LRRIQ1: variants seen among roughly 807,000 people sequenced by gnomAD.
LRRIQ1 encodes leucine rich repeats and IQ motif containing 1.
Under a neutral mutation model 211.9 loss-of-function variants are expected in LRRIQ1, and 210 were observed. The ratio of observed to expected loss-of-function variants is 0.99; its 90% CI spans 0.89 to 1.11. The LOEUF (loss-of-function observed/expected upper bound fraction) is 1.11, where lower values mean the gene tolerates loss of function less well. Among genes scored for constraint, LRRIQ1 ranks in the 50% most tolerant of loss-of-function variants. The pLI is 0.00. For synonymous variants in LRRIQ1, 699 were observed against 650.1 expected (o/e 1.08, Z -1.14); for missense variants, 2,136 against 1,939.5 (o/e 1.10, Z -1.90).
chr12:85,037,584 ATGAT>A (rs1878300976), intron 1 of LRRIQ1, among the ~76,000 whole-genome samples: 2 of 151,218 alleles, frequency 1.3e-5, no homozygotes, highest in African/African-American at 4.9e-5. Context: ...TGATTTTGAG[ATGAT>A]TGAGTAGAGT....
intron 1 of LRRIQ1, among the ~76,000 whole-genome samples, chr12:85,254,554 A>G (rs1272391967): frequency 6.6e-6 from 1 of 152,112 alleles, no homozygotes; most frequent in Admixed American, 6.6e-5. Context: ...ATGCTTTTTA[A>G]TATAGACTGC....
At chr12:85,057,257 T>C (rs138437015) in intron 8 of LRRIQ1, 73 bp downstream of exon 8, 13,934 of 1,080,754 alleles carry the variant, frequency 0.013, 103 homozygotes, top group Middle Eastern at 0.017. Flanking sequence ...TTTCAGATCT[T>C]AGAAAAAGAA....
At position 85,106,455 on chromosome 12, in the gene LRRIQ1, T is replaced by C. The variant is rs984002680; in HGVS notation, c.3284-67T>C. On this transcript the variant is annotated intron_variant, in intron 14 of 26. Transcript: ENST00000393217. ...AATAGCAAACCAGTAAATACAGTGGTCATAGATTTATGATATTTGTTCTAA... is the reference window on the plus strand; with the variant it reads ...AATAGCAAACCAGTAAATACAGTGGCCATAGATTTATGATATTTGTTCTAA... 3.6e-6 allele frequency: 4 copies of C among 1,106,408 alleles called. No homozygotes were observed. In the African/African-American group the frequency reaches 4.7e-5, roughly 13 times the overall value. The allele number at this position is 1,106,408 out of a possible 1,614,324, so 68.5% of individuals were successfully genotyped here.
chr12:85,132,217 T>G (rs540414219), intron 18 of LRRIQ1, among the ~76,000 whole-genome samples: 1 of 152,176 alleles, frequency 6.6e-6, no homozygotes, highest in East Asian at 1.9e-4. Context: ...CACTCAATCT[T>G]GATATCATTA....
intron 6 of LRRIQ1, among the ~76,000 whole-genome samples, chr12:85,051,023 G>C (rs1880244023): frequency 1.3e-5 from 2 of 152,146 alleles, no homozygotes; most frequent in African/African-American, 2.4e-5. Context: ...GGAATCACCA[G>C]TGTTGGAGGT....
chr12:85,100,246 TA>T lies in LRRIQ1; in HGVS notation c.3209+1254del, dbSNP rs1206202986. ...GAAATTTTTTGACAAGTAATGCCTT[TA>T]ATTTATTTGGGCAATTTAAGTTATC... On this transcript the variant is annotated intron_variant, in intron 13 of 26. Transcript: ENST00000393217. 4.6e-5 allele frequency among the ~76,000 whole-genome samples: 7 copies of T among 151,900 alleles called. No individual in the cohort carries two copies. The East Asian group carries it at 9.6e-4, about 21-fold the overall frequency.
chr12:85,139,600 A>G (rs1254977848), intron 19 of LRRIQ1, among the ~76,000 whole-genome samples: 1 of 151,334 alleles, frequency 6.6e-6, no homozygotes, highest in Non-Finnish European at 1.5e-5. Flanking sequence ...AATTTTTTCT[A>G]TCAAACGTAA....
At chr12:85,236,872 T>C (rs1286824590) in intron 26 of LRRIQ1, among the ~76,000 whole-genome samples, 1 of 140,442 alleles carries the variant, frequency 7.1e-6, no homozygotes, top group African/African-American at 2.7e-5. Context: ...AGATTATTTT[T>C]ACATACAGCC....
In LRRIQ1 at chr12:85,244,825, C is replaced by CT. The variant is rs1365207423; in HGVS notation, c.5059dup (p.Ser1687PhefsTer28). ...AAGCAGAGAAGACACGGATTTAGAC[C>CT]TTTTTTCCATGACCAATGGAAGTGC... On this transcript the variant is annotated frameshift_variant, in exon 27 of 27. Transcript: ENST00000393217. LOFTEE classifies it high-confidence loss of function. 2 of 1,611,100 alleles carry CT rather than the reference C, an allele frequency of 1.2e-6. No individual in the cohort carries two copies. The highest frequency in any genetic ancestry group is 2.2e-5 in the East Asian group (1 of 44,784).
At chr12:85,125,522 A>C (rs1003683835) in intron 17 of LRRIQ1, among the ~76,000 whole-genome samples, 1 of 152,162 alleles carries the variant, frequency 6.6e-6, no homozygotes, top group Non-Finnish European at 1.5e-5. Context: ...TTCTTTTATA[A>C]ATTACTGGTG....
intron 7 of LRRIQ1, among the ~76,000 whole-genome samples, chr12:85,055,339 G>A (rs1880861102): frequency 6.6e-6 from 1 of 152,028 alleles, no homozygotes; most frequent in Admixed American, 6.6e-5. Flanking sequence ...TAACATTAGA[G>A]TATCAACTTA....
At chr12:85,206,388 G>A (rs1249921446) in intron 24 of LRRIQ1, among the ~76,000 whole-genome samples, 1 of 152,198 alleles carries the variant, frequency 6.6e-6, no homozygotes, top group African/African-American at 2.4e-5. Context: ...TGAGAGTGCA[G>A]GGATATGGGG....
At chr12:85,224,002 G>A (rs915129091) in intron 24 of LRRIQ1, among the ~76,000 whole-genome samples, 1 of 151,980 alleles carries the variant, frequency 6.6e-6, no homozygotes, top group Non-Finnish European at 1.5e-5. Context: ...ATCTCATAAA[G>A]TATGTAATTG....
chr12:85,039,492 A>G (rs1281008481), intron 2 of LRRIQ1, among the ~76,000 whole-genome samples: 2 of 151,664 alleles, frequency 1.3e-5, no homozygotes, highest in African/African-American at 4.8e-5. Flanking sequence ...TTAATACACT[A>G]CTTTATCAGG....
chr12:85,098,299 T>G, intron 11 of LRRIQ1, 56 bp from the exon 12 acceptor site: 1 of 1,187,540 alleles, frequency 8.4e-7, no homozygotes, highest in Non-Finnish European at 1.2e-6. Flanking sequence ...GGAAACTTTC[T>G]TCTAGAGTCT....
Position 85,056,877 on chromosome 12 carries a change from C to G in LRRIQ1, c.2084C>G (p.Ser695Cys), listed in dbSNP as rs759722281. ...EGLSNYNAESSMVSKEVNSLK... is the reference protein window; with the variant it reads ...EGLSNYNAESCMVSKEVNSLK... The stretch of plus-strand genomic sequence containing the variant: ...TTGAGTAACTATAATGCAGAAAGCT[C>G]CATGGTATCTAAAGAAGTCAACTCT... Residue 695 changes from serine (S) to cysteine (C), a missense_variant, in exon 8 of 27, where the codon TCC (serine) becomes TGC (cysteine). By Grantham distance (112) the Ser-to-Cys change is moderately radical. Coordinates refer to ENST00000393217, the MANE Select transcript of LRRIQ1 (RefSeq NM_001079910.2). 7 of 1,613,170 alleles carry G rather than the reference C, an allele frequency of 4.3e-6. No homozygotes were observed. Among genetic ancestry groups the G allele is most frequent in the Non-Finnish European group, 5.9e-6 (7 of 1,179,612 alleles).
At chr12:85,251,226 G>T (rs1895935663) in intron 1 of LRRIQ1, among the ~76,000 whole-genome samples, 1 of 150,936 alleles carries the variant, frequency 6.6e-6, no homozygotes, top group African/African-American at 2.4e-5. Flanking sequence ...TTGAGGAAAA[G>T]CATAAGGACT....
intron 24 of LRRIQ1, among the ~76,000 whole-genome samples, chr12:85,196,555 T>A (rs1452121996): frequency 2.6e-5 from 4 of 151,910 alleles, no homozygotes; most frequent in Admixed American, 2.6e-4. Flanking sequence ...TTGACAAACC[T>A]GAGAAAAACA....
At chr12:85,194,872 A>T (rs1482378957) in intron 24 of LRRIQ1, among the ~76,000 whole-genome samples, 1 of 152,136 alleles carries the variant, frequency 6.6e-6, no homozygotes, top group Non-Finnish European at 1.5e-5. Context: ...CAAAAAATTA[A>T]TGAATCCAGG....
Sources: allele counts gnomAD v4.1 joint callset (sites outside exome capture counted in the v4.1 genomes callset), GRCh38; gene constraint gnomAD v4.1.1; transcripts MANE v1.5; gene names NCBI Gene and HGNC (gene_info 2026-07-23, HGNC 2026-07-21).